The following SDK1 variants were observed in gnomAD, a reference collection of about 807,000 sequenced individuals.
SDK1 encodes the protein protein sidekick-1.
In SDK1, 157 loss-of-function variants were observed where a neutral mutation model predicts 245.5. The observed-to-expected ratio is 0.64, with a 90% CI of 0.56 to 0.73. SDK1 has a LOEUF of 0.73. Ranked by LOEUF, SDK1 falls within the 30% of genes least tolerant of loss-of-function variation. The pLI, the probability that SDK1 is intolerant of heterozygous loss-of-function variation, is 0.00. For missense variants in SDK1, 3,583 were observed against 3,002.3 expected (o/e 1.19, Z -4.52); for synonymous variants, 1,647 against 1,278.5 (o/e 1.29, Z -6.15).
intron 35 of SDK1, among the ~76,000 whole-genome samples, chr7:4,196,834 G>A (rs771216059): frequency 2.3e-4 from 35 of 152,206 alleles, no homozygotes; most frequent in Admixed American, 5.2e-4. Context: ...GAAGCATTCG[G>A]AGAGGATTTA....
At chr7:4,000,648 T>C (rs1583787123) in intron 14 of SDK1, among the ~76,000 whole-genome samples, 1 of 152,240 alleles carries the variant, frequency 6.6e-6, no homozygotes, top group Non-Finnish European at 1.5e-5. Flanking sequence ...GTTGCTATTA[T>C]GGACTTAAAA....
In SDK1 at chr7:4,026,256, G is replaced by A. The variant is rs1383286428; in HGVS notation, c.2602+8904G>A. 1.3e-5 allele frequency among the ~76,000 whole-genome samples: 2 copies of A among 152,226 alleles called. No homozygotes were observed. Among genetic ancestry groups the A allele is most frequent in the East Asian group, 1.9e-4 (1 of 5,196 alleles). On this transcript the variant is annotated intron_variant, in intron 17 of 44. Coordinates refer to ENST00000404826, the MANE Select transcript of SDK1 (RefSeq NM_152744.4). This position sits in a 1 kb window ranked among gnomAD's most constrained non-coding sequence, Gnocchi z 4.1. ...AGACAGGGCATGGGAAGTGGGGGTC[G>A]GGAGAGGAAGAGGAAGAGACACCAA...
intron 35 of SDK1, among the ~76,000 whole-genome samples, chr7:4,186,250 T>C (rs1038785736): frequency 7.2e-5 from 11 of 152,230 alleles, no homozygotes; most frequent in African/African-American, 2.6e-4. Flanking sequence ...TTCTACCCAC[T>C]TTGCCCTGGG....
At chr7:3,689,792 T>C (rs1039065228) in intron 4 of SDK1, among the ~76,000 whole-genome samples, 1 of 152,224 alleles carries the variant, frequency 6.6e-6, no homozygotes, top group African/African-American at 2.4e-5. Flanking sequence ...TCCCAATGAA[T>C]CCATTCATAA....
intron 4 of SDK1, among the ~76,000 whole-genome samples, chr7:3,654,584 G>A (rs139354615): frequency 1.2e-4 from 18 of 152,296 alleles, no homozygotes; most frequent in Admixed American, 5.9e-4. Flanking sequence ...ACTTAATGAA[G>A]GTCACTCAAG....
intron 22 of SDK1, among the ~76,000 whole-genome samples, chr7:4,095,737 T>C (rs547262054): frequency 2.6e-5 from 4 of 152,230 alleles, no homozygotes; most frequent in African/African-American, 9.6e-5. Context: ...CACACCTGGC[T>C]AATTTTTTGT....
At chr7:3,522,794 G>A (rs1044526722) in intron 1 of SDK1, among the ~76,000 whole-genome samples, 1 of 152,120 alleles carries the variant, frequency 6.6e-6, no homozygotes, top group African/African-American at 2.4e-5. Flanking sequence ...ACATGATCTG[G>A]TTTTAAAATT....
intron 30 of SDK1, among the ~76,000 whole-genome samples, chr7:4,151,666 CT>C (rs1289077438): frequency 6.6e-6 from 1 of 152,220 alleles, no homozygotes; most frequent in Non-Finnish European, 1.5e-5. Flanking sequence ...CCGGAATCCC[CT>C]CATCCTGTCT....
At chr7:3,402,701 G>T (rs1034897170) in intron 1 of SDK1, among the ~76,000 whole-genome samples, 1 of 152,032 alleles carries the variant, frequency 6.6e-6, no homozygotes, top group African/African-American at 2.4e-5. Context: ...CTTGATTGCA[G>T]TTTTCCCTTA....
intron 5 of SDK1, among the ~76,000 whole-genome samples, chr7:3,935,647 A>G (rs929725692): frequency 6.6e-6 from 1 of 152,218 alleles, no homozygotes; most frequent in Non-Finnish European, 1.5e-5. Flanking sequence ...ACTAATCATG[A>G]GGGAAATGCA....
chr7:4,014,414 T>G (rs1303418706), intron 16 of SDK1, among the ~76,000 whole-genome samples: 1 of 152,188 alleles, frequency 6.6e-6, no homozygotes, highest in African/African-American at 2.4e-5. Context: ...TGCAGTACCC[T>G]AGGCCTGTGA....
At chr7:3,532,249 G>A (rs1314089584) in intron 1 of SDK1, among the ~76,000 whole-genome samples, 1 of 152,198 alleles carries the variant, frequency 6.6e-6, no homozygotes, top group Non-Finnish European at 1.5e-5. Context: ...TGAACCCAAA[G>A]TTGTTAGGAA....
chr7:3,738,953 T>C (rs907114628), intron 4 of SDK1, among the ~76,000 whole-genome samples: 4 of 149,492 alleles, frequency 2.7e-5, no homozygotes, highest in African/African-American at 7.6e-5. Context: ...ATAAGATCAA[T>C]TATTTTTGTT....
At chr7:4,164,596 C>T (rs893177786) in intron 32 of SDK1, among the ~76,000 whole-genome samples, 2 of 152,208 alleles carry the variant, frequency 1.3e-5, no homozygotes, top group African/African-American at 2.4e-5. Context: ...GTAGACGTGG[C>T]GGCAGCCTGC....
At chr7:4,080,454 T>C (rs1780983468) in intron 22 of SDK1, among the ~76,000 whole-genome samples, 1 of 152,190 alleles carries the variant, frequency 6.6e-6, no homozygotes, top group African/African-American at 2.4e-5. Context: ...AAAATCCTTG[T>C]GGTTTTCATG....
chr7:4,181,634 A>C (rs1286176970), intron 35 of SDK1, among the ~76,000 whole-genome samples: 3 of 150,328 alleles, frequency 2.0e-5, no homozygotes, highest in Non-Finnish European at 3.0e-5. Context: ...CAACACACCC[A>C]CACCCTCCAC....
At chr7:3,376,008 G>C (rs1430577523) in intron 1 of SDK1, among the ~76,000 whole-genome samples, 1 of 152,200 alleles carries the variant, frequency 6.6e-6, no homozygotes, top group African/African-American at 2.4e-5. Flanking sequence ...GAAAAAATAA[G>C]TTGGATTCTT....
At chr7:3,971,671 A>T in intron 12 of SDK1, 103 bp downstream of exon 12, 1 of 840,834 alleles carries the variant, frequency 1.2e-6, no homozygotes, top group Non-Finnish European at 2.0e-6. Context: ...TTTTGATTTC[A>T]GCAGCAGGTC....
chr7:3,800,362 C>T lies in SDK1; in HGVS notation c.714-21088C>T, dbSNP rs57786706. On this transcript the variant is annotated intron_variant, in intron 4 of 44. Transcript: ENST00000404826. ...CTAATCGCCATCTTTTACTTACTTA[C>T]TTACTTACTTATTTATTTATTTATT... Among the ~76,000 whole-genome samples the T allele has an allele frequency of 5.0e-3, 712 of 141,636 alleles. 6 individuals are homozygous for T. Among genetic ancestry groups the T allele is most frequent in the African/African-American group, 0.017 (621 of 37,292 alleles). 92.9% of individuals were successfully genotyped at this position (141,636 alleles called of 152,430 possible).
Sources: gnomAD v4.1 joint callset for allele counts (sites outside exome capture counted in the v4.1 genomes callset) on GRCh38, gnomAD v4.1.1 for gene constraint, Gnocchi (gnomAD v3.1) non-coding constraint, MANE v1.5 for transcripts, NCBI Gene and HGNC (gene_info 2026-07-23, HGNC 2026-07-21) for gene names.